AJAP1: variants seen among roughly 807,000 people sequenced by gnomAD.
AJAP1 encodes adherens junction-associated protein 1.
AJAP1 carries 5 observed loss-of-function variants against 35.0 expected under a neutral mutation model. The ratio of observed to expected loss-of-function variants is 0.14; its 90% CI spans 0.07 to 0.30. AJAP1 has a LOEUF of 0.30. AJAP1 is among the 10% of genes least tolerant of loss of function. The probability of loss-of-function intolerance (pLI) is 1.00; values close to 1 mark genes in which losing one functional copy is unlikely to be tolerated. For missense variants in AJAP1, 586 were observed against 571.0 expected (o/e 1.03, Z -0.27); for synonymous variants, 284 against 249.3 (o/e 1.14, Z -1.31).
At chr1:4,718,052 T>C (rs1640435547) in intron 2 of AJAP1, among the ~76,000 whole-genome samples, 1 of 152,158 alleles carries the variant, frequency 6.6e-6, no homozygotes, top group African/African-American at 2.4e-5. Flanking sequence ...ATCCTAAACT[T>C]TGTAGACAGC....
At chr1:4,770,930 A>G (rs1641820751) in intron 3 of AJAP1, among the ~76,000 whole-genome samples, 1 of 151,918 alleles carries the variant, frequency 6.6e-6, no homozygotes, top group Admixed American at 6.6e-5. Flanking sequence ...GAGACAGGGG[A>G]TGAGAGAACA....
At position 4,655,317 on chromosome 1, in the gene AJAP1, G is replaced by A. The variant is rs1471614071; in HGVS notation, c.-109G>A. ...CGGCCGGCGGGCGGCGGGAGGCGGCGGACCGAGAGCCGGAGACCGGCGCCG... is the reference window on the plus strand; with the variant it reads ...CGGCCGGCGGGCGGCGGGAGGCGGCAGACCGAGAGCCGGAGACCGGCGCCG... On this transcript the variant is annotated 5_prime_UTR_variant, in exon 1 of 6. Transcript: ENST00000378191. The surrounding 1 kb of genome is among the most constrained non-coding windows in gnomAD (Gnocchi z 6.9). The A allele has an allele frequency of 1.1e-5, 11 of 961,696 alleles. No homozygotes were observed. Among genetic ancestry groups the A allele is most frequent in the Admixed American group, 4.9e-5 (1 of 20,438 alleles). The allele number at this position is 961,696 out of a possible 1,614,324, so 59.6% of individuals were successfully genotyped here.
intron 1 of AJAP1, among the ~76,000 whole-genome samples, chr1:4,704,316 C>A (rs1206928072): frequency 7.9e-6 from 1 of 126,268 alleles, no homozygotes; most frequent in Non-Finnish European, 1.6e-5. Flanking sequence ...CCTCCCCCCA[C>A]CCCACAACGG....
chr1:4,732,503 A>G (rs1640822624), intron 2 of AJAP1, among the ~76,000 whole-genome samples: 1 of 152,240 alleles, frequency 6.6e-6, no homozygotes, highest in Non-Finnish European at 1.5e-5. Context: ...GCTGTCCCTC[A>G]GTTCTCTGAG....
At position 4,720,477 on chromosome 1, in the gene AJAP1, G is replaced by A. The variant is rs750660091; in HGVS notation, c.829+7778G>A. On this transcript the variant is annotated intron_variant, in intron 2 of 5. Coordinates refer to ENST00000378191, the MANE Select transcript of AJAP1 (RefSeq NM_018836.4). The surrounding 1 kb of genome is among the most constrained non-coding windows in gnomAD (Gnocchi z 4.4). ...CAAAGCTGGTGCCAGCGGAGAGAGCGCCCACCTTGGCTCAGATGGACCCAG... is the reference window on the plus strand; with the variant it reads ...CAAAGCTGGTGCCAGCGGAGAGAGCACCCACCTTGGCTCAGATGGACCCAG... Among the ~76,000 whole-genome samples the A allele has an allele frequency of 2.0e-5, 3 of 152,172 alleles. No homozygotes were observed. Among genetic ancestry groups the A allele is most frequent in the Non-Finnish European group, 4.4e-5 (3 of 68,022 alleles).
At chr1:4,726,679 G>A (rs900667777) in intron 2 of AJAP1, among the ~76,000 whole-genome samples, 1 of 152,144 alleles carries the variant, frequency 6.6e-6, no homozygotes, top group Non-Finnish European at 1.5e-5. Flanking sequence ...CCACTCTCCA[G>A]AAATCCTGAT....
intron 1 of AJAP1, among the ~76,000 whole-genome samples, chr1:4,689,712 C>T (rs1570114562): frequency 6.6e-6 from 1 of 152,352 alleles, no homozygotes; most frequent in East Asian, 1.9e-4. Flanking sequence ...GAGCATCCGG[C>T]ATGAGCACGA....
chr1:4,742,480 C>G (rs1022136796), intron 2 of AJAP1, among the ~76,000 whole-genome samples: 1 of 152,114 alleles, frequency 6.6e-6, no homozygotes, highest in African/African-American at 2.4e-5. Flanking sequence ...ACGAGAGACT[C>G]AAATGCAAGT....
chr1:4,691,042 A>T (rs1639727962), intron 1 of AJAP1, among the ~76,000 whole-genome samples: 1 of 152,146 alleles, frequency 6.6e-6, no homozygotes, highest in South Asian at 2.1e-4. Context: ...TGGGGTGAGG[A>T]GGGCCACTGA....
intron 1 of AJAP1, among the ~76,000 whole-genome samples, chr1:4,684,323 G>A (rs556634559): frequency 8.7e-4 from 132 of 152,266 alleles, no homozygotes; most frequent in Admixed American, 6.3e-3. Context: ...CGGGGCAGGC[G>A]GGAGGAGGAG....
At chr1:4,747,093 A>G (rs1287805863) in intron 2 of AJAP1, among the ~76,000 whole-genome samples, 1 of 152,254 alleles carries the variant, frequency 6.6e-6, no homozygotes, top group Non-Finnish European at 1.5e-5. Context: ...GACGTCAGCC[A>G]GAGCCAAAGG....
At position 4,791,722 on chromosome 1, in the gene AJAP1, A is replaced by T. The variant is rs1180595349; in HGVS notation, c.*9237A>T. The T allele has an allele frequency of 6.6e-6, 1 of 152,234 alleles. No homozygotes were observed. The highest frequency in any genetic ancestry group is 1.5e-5 in the Non-Finnish European group (1 of 68,036). 9.4% of individuals were successfully genotyped at this position (152,234 alleles called of 1,614,324 possible). A position where few individuals can be genotyped will look rare whatever the true frequency, so the allele number is the denominator to read the frequency against. ...ATGGAATAAACAGGATACTCAGTGA[A>T]ACATCCAAACTATTGACTGGATTTT... On this transcript the variant is annotated 3_prime_UTR_variant, in exon 6 of 6. Transcript: ENST00000378191.
At chr1:4,747,510 G>T (rs766404400) in intron 2 of AJAP1, among the ~76,000 whole-genome samples, 1 of 152,126 alleles carries the variant, frequency 6.6e-6, no homozygotes, top group African/African-American at 2.4e-5. Context: ...TGGCTGTGCC[G>T]CCCCCTTCCC....
At chr1:4,695,494 G>A (rs891581720) in intron 1 of AJAP1, among the ~76,000 whole-genome samples, 2 of 152,222 alleles carry the variant, frequency 1.3e-5, no homozygotes, top group African/African-American at 4.8e-5. Context: ...AGGCTCCAGG[G>A]GAGAGTGGAG....
intron 1 of AJAP1, among the ~76,000 whole-genome samples, chr1:4,696,954 GTGTA>G (rs1421015649): frequency 1.4e-4 from 21 of 152,264 alleles, no homozygotes; most frequent in African/African-American, 4.1e-4. Context: ...CATGTTCTGT[GTGTA>G]TGTGTGTCTC....
intron 4 of AJAP1, among the ~76,000 whole-genome samples, chr1:4,773,182 T>TA (rs1557649541): frequency 1.3e-5 from 2 of 152,030 alleles, no homozygotes; most frequent in African/African-American, 2.4e-5. Flanking sequence ...TGTTGTAAAT[T>TA]AAAAAAACAG....
At chr1:4,710,890 T>A (rs1640215390) in intron 1 of AJAP1, among the ~76,000 whole-genome samples, 1 of 152,100 alleles carries the variant, frequency 6.6e-6, no homozygotes, top group African/African-American at 2.4e-5. Context: ...CCAGACCTGG[T>A]GACAAAGCCG....
rs575060520 is a variant in AJAP1 at position 4,673,409 on chromosome 1, TTC to T, written c.29+17959_29+17960del. Among the ~76,000 whole-genome samples, 163 of 152,326 alleles carry T rather than the reference TTC, an allele frequency of 1.1e-3. 1 individual carries two copies. Among genetic ancestry groups the T allele is most frequent in the African/African-American group, 3.8e-3 (160 of 41,572 alleles). The stretch of plus-strand genomic sequence containing the variant: ...CCTGCCCTTCATCCCTCTTTCTCTG[TTC>T]TCTTTCTGTCTTTCTTCTAACAAGA... On this transcript the variant is annotated intron_variant, in intron 1 of 5. Transcript: ENST00000378191.
chr1:4,758,042 T>C (rs6700786), intron 2 of AJAP1, among the ~76,000 whole-genome samples: 17,230 of 152,148 alleles, frequency 0.11, 1,042 homozygotes, highest in East Asian at 0.17. Context: ...AGGGGTTTTC[T>C]CCCTTTTGCT....
Sources: gnomAD v4.1 joint callset for allele counts (sites outside exome capture counted in the v4.1 genomes callset) on GRCh38, gnomAD v4.1.1 for gene constraint, Gnocchi (gnomAD v3.1) non-coding constraint, MANE v1.5 for transcripts, NCBI Gene and HGNC (gene_info 2026-07-23, HGNC 2026-07-21) for gene names.